SORCS1: variants seen among roughly 807,000 people sequenced by gnomAD.
The protein encoded by SORCS1 is VPS10 domain-containing receptor SorCS1.
Under a neutral mutation model 146.1 loss-of-function variants are expected in SORCS1, and 60 were observed. The observed-to-expected ratio is 0.41, with a 90% CI of 0.33 to 0.51. SORCS1 has a LOEUF of 0.51. Ranked by LOEUF, SORCS1 falls within the 20% of genes least tolerant of loss-of-function variation. The pLI, the probability that SORCS1 is intolerant of heterozygous loss-of-function variation, is 0.21. For synonymous variants in SORCS1, 637 were observed against 584.0 expected (o/e 1.09, Z -1.31); for missense variants, 1,352 against 1,487.6 (o/e 0.91, Z 1.50).
intron 2 of SORCS1, among the ~76,000 whole-genome samples, chr10:106,929,689 T>C (rs1414709659): frequency 6.6e-6 from 1 of 152,198 alleles, no homozygotes; most frequent in Non-Finnish European, 1.5e-5. Flanking sequence ...CTGCTGTTCC[T>C]GGCTGAATTT....
intron 3 of SORCS1, among the ~76,000 whole-genome samples, chr10:106,818,556 G>T (rs985902941): frequency 2.6e-5 from 4 of 152,018 alleles, no homozygotes; most frequent in African/African-American, 9.7e-5. Context: ...AATAGAAACG[G>T]GGTTTCACCA....
Position 107,089,044 on chromosome 10 carries a change from T to C in SORCS1, c.558+74925A>G, listed in dbSNP as rs145455704. Among the ~76,000 whole-genome samples, 327 of 152,320 alleles carry C rather than the reference T, an allele frequency of 2.1e-3. 1 individual carries two copies. Among genetic ancestry groups the C allele is most frequent in the African/African-American group, 7.6e-3 (314 of 41,586 alleles). On this transcript the variant is annotated intron_variant, in intron 1 of 25. Transcript: ENST00000263054. ...CCATCTGACTTAGAATCTTGTGATATACAAAAGACATTCATGGAAAATAGG... is the reference window on the plus strand; with the variant it reads ...CCATCTGACTTAGAATCTTGTGATACACAAAAGACATTCATGGAAAATAGG...
chr10:106,854,496 TTTTC>T (rs1218363763), intron 2 of SORCS1, among the ~76,000 whole-genome samples: 2 of 152,020 alleles, frequency 1.3e-5, no homozygotes, highest in Non-Finnish European at 2.9e-5. Context: ...ATTTTTACCA[TTTTC>T]TTTTTGTTTC....
chr10:106,620,420 G>C lies in SORCS1; in HGVS notation c.2796+8C>G, dbSNP rs1397095292. ...TGTCCCTAGATCGCATGTGGAAGGT[G>C]AACCCACCTCCGTGTTGTTTCCGTA... is the stretch of plus-strand genomic sequence containing the variant. On this transcript the variant is annotated splice_region_variant and intron_variant, in intron 20 of 25. Transcript: ENST00000263054. 6.2e-7 allele frequency: 1 copy of C among 1,610,132 alleles called. No individual in the cohort carries two copies. Among genetic ancestry groups the C allele is most frequent in the Admixed American group, 1.7e-5 (1 of 59,682 alleles).
At chr10:106,684,642 A>G (rs748610142) in intron 10 of SORCS1, among the ~76,000 whole-genome samples, 7 of 152,190 alleles carry the variant, frequency 4.6e-5, no homozygotes, top group South Asian at 2.1e-4. Flanking sequence ...TTTCTATAGC[A>G]TAGATTTTTA....
intron 23 of SORCS1, among the ~76,000 whole-genome samples, chr10:106,603,174 C>G (rs556686864): frequency 6.6e-6 from 1 of 152,086 alleles, no homozygotes; most frequent in Non-Finnish European, 1.5e-5. Flanking sequence ...ACAGGAGAGA[C>G]AGAAACAAAT....
chr10:106,625,253 GGCT>G (rs59363923), intron 19 of SORCS1, among the ~76,000 whole-genome samples: 19,141 of 146,098 alleles, frequency 0.13, 1,698 homozygotes, highest in East Asian at 0.32. Flanking sequence ...TGTGTACACT[GGCT>G]GCTCTGGCCT....
rs146528094 is a variant in SORCS1, at chr10:107,135,962, G to C, written c.558+28007C>G. ...ACAGATATTACATATGGTTGTTATA[G>C]CAACTGAAAGCAGCCCCTGATCTCT... On this transcript the variant is annotated intron_variant, in intron 1 of 25. Transcript: ENST00000263054. Among the ~76,000 whole-genome samples the C allele has an allele frequency of 2.6e-3, 398 of 152,290 alleles. 2 individuals are homozygous for C. The highest frequency in any genetic ancestry group is 9.0e-3 in the African/African-American group (374 of 41,552).
At chr10:107,096,714 T>C (rs1460889255) in intron 1 of SORCS1, among the ~76,000 whole-genome samples, 2 of 151,926 alleles carry the variant, frequency 1.3e-5, no homozygotes, top group Admixed American at 1.3e-4. Flanking sequence ...GTTTCACCAT[T>C]TTGGCCAGGC....
rs1196333457 is a variant in SORCS1, at chr10:106,577,215, C to G, written c.*205G>C. On this transcript the variant is annotated 3_prime_UTR_variant, in exon 26 of 26. Transcript: ENST00000263054. Reference sequence around the variant, plus strand: ...TTGTTTTTGTTTTTTTACTGGCGTCCTCCATTCAAACATTTACATAGGTAG... The same window carrying G: ...TTGTTTTTGTTTTTTTACTGGCGTCGTCCATTCAAACATTTACATAGGTAG... 2 of 1,569,386 alleles carry G rather than the reference C, an allele frequency of 1.3e-6. No homozygotes were observed. The highest frequency in any genetic ancestry group is 1.7e-6 in the Non-Finnish European group (2 of 1,154,950).
At chr10:107,045,978 T>C (rs1959369818) in intron 1 of SORCS1, among the ~76,000 whole-genome samples, 1 of 151,744 alleles carries the variant, frequency 6.6e-6, no homozygotes, top group Admixed American at 6.6e-5. Flanking sequence ...AACGGAGTCT[T>C]GCTCTGTCGT....
intron 4 of SORCS1, 84 bp downstream of exon 4, chr10:106,776,450 G>C (rs1860437272): frequency 6.5e-7 from 1 of 1,533,008 alleles, no homozygotes; most frequent in Non-Finnish European, 8.9e-7. Flanking sequence ...TGATCACTGA[G>C]GTGAAATGGA....
chr10:106,781,532 G>A (rs1355597729), intron 3 of SORCS1, among the ~76,000 whole-genome samples: 1 of 152,114 alleles, frequency 6.6e-6, no homozygotes, highest in African/African-American at 2.4e-5. Context: ...AACAGCAACA[G>A]CAGCAATTAG....
intron 18 of SORCS1, among the ~76,000 whole-genome samples, chr10:106,638,692 T>C (rs1415434834): frequency 6.6e-6 from 1 of 152,206 alleles, no homozygotes; most frequent in Non-Finnish European, 1.5e-5. Context: ...ATATGATTTC[T>C]TGCCCTGGAA....
At chr10:106,700,073 G>A (rs1156308639) in intron 8 of SORCS1, among the ~76,000 whole-genome samples, 1 of 152,106 alleles carries the variant, frequency 6.6e-6, no homozygotes, top group African/African-American at 2.4e-5. Flanking sequence ...AGACTTAGCT[G>A]CTTATCAAAA....
At chr10:106,672,799 C>T in intron 15 of SORCS1, 69 bp downstream of exon 15, 1 of 1,307,228 alleles carries the variant, frequency 7.6e-7, no homozygotes. Context: ...TATACCTTAG[C>T]AACTAGCTTT....
intron 1 of SORCS1, among the ~76,000 whole-genome samples, chr10:107,017,160 A>G (rs752825352): frequency 1.3e-5 from 2 of 152,230 alleles, no homozygotes; most frequent in African/African-American, 4.8e-5. Flanking sequence ...GATGTAACTG[A>G]CAAAAATGCA....
intron 23 of SORCS1, among the ~76,000 whole-genome samples, chr10:106,602,402 A>C (rs1400173749): frequency 6.6e-6 from 1 of 152,070 alleles, no homozygotes; most frequent in Non-Finnish European, 1.5e-5. Context: ...TTTTGTGTTA[A>C]ACAGAGGAAG....
intron 18 of SORCS1, among the ~76,000 whole-genome samples, chr10:106,642,252 C>T (rs1028049066): frequency 6.6e-6 from 1 of 152,138 alleles, no homozygotes; most frequent in East Asian, 1.9e-4. Context: ...GAGGCACAAG[C>T]TCTGGTACTC....
Sources: gnomAD v4.1 joint callset for allele counts (sites outside exome capture counted in the v4.1 genomes callset) on GRCh38, gnomAD v4.1.1 for gene constraint, MANE v1.5 for transcripts, NCBI Gene and HGNC (gene_info 2026-07-23, HGNC 2026-07-21) for gene names.